Variants in ZEB2 observed in about 807,000 individuals in gnomAD.
ZEB2 encodes the protein zinc finger E-box binding homeobox 2.
A neutral mutation model predicts 99.9 loss-of-function variants in ZEB2; 6 were observed. The ratio of observed to expected loss-of-function variants is 0.06; its 90% CI spans 0.03 to 0.12. The LOEUF is 0.12. Ranked by LOEUF, ZEB2 falls within the 10% of genes least tolerant of loss-of-function variation. ZEB2 has a pLI of 1.00. For synonymous variants in ZEB2, 517 were observed against 542.5 expected (o/e 0.95, Z 0.65); for missense variants, 969 against 1,502.8 (o/e 0.64, Z 5.87).
At chr2:144,424,649 G>T (rs1573739410) in intron 4 of ZEB2, 147 bp downstream of exon 4, 3 of 929,276 alleles carry the variant, frequency 3.2e-6, no homozygotes, top group Non-Finnish European at 5.1e-6. Context: ...AGGAAATTTT[G>T]ATTTGAAACA....
chr2:144,452,372 G>A (rs1000943097), intron 2 of ZEB2, among the ~76,000 whole-genome samples: 7 of 151,252 alleles, frequency 4.6e-5, no homozygotes, highest in Admixed American at 2.0e-4. Flanking sequence ...GGTGAACCAA[G>A]GAAAAGGAAA....
chr2:144,510,466 A>G (rs1187810077), intron 2 of ZEB2, among the ~76,000 whole-genome samples: 3 of 152,282 alleles, frequency 2.0e-5, no homozygotes, highest in Non-Finnish European at 2.9e-5. Context: ...CCCCAAATCT[A>G]ACAGGCTTCT....
At position 144,403,875 on chromosome 2, in the gene ZEB2, G is replaced by C. The variant is rs1184602756; in HGVS notation, c.807+41C>G. On this transcript the variant is annotated intron_variant, in intron 6 of 9. Transcript: ENST00000627532. ...ATCAAAGCAATATCGTTTCTCTAAG[G>C]GGTTATTATAGAAAGAAATCACTTA... The C allele has an allele frequency of 2.5e-6, 4 of 1,607,192 alleles. No homozygotes were observed. The South Asian group carries it at 4.4e-5, about 18-fold the overall frequency.
chr2:144,423,052 A>T (rs1468919374), intron 4 of ZEB2, among the ~76,000 whole-genome samples: 1 of 152,206 alleles, frequency 6.6e-6, no homozygotes, highest in Non-Finnish European at 1.5e-5. Flanking sequence ...TATTGACTGA[A>T]TACATATGAA....
chr2:144,512,562 T>TA (rs1384682084), intron 2 of ZEB2: 1 of 1,287,148 alleles, frequency 7.8e-7, no homozygotes, highest in African/African-American at 1.5e-5. Flanking sequence ...GGTTTTACCC[T>TA]ATTTGAAAAC....
intron 2 of ZEB2, among the ~76,000 whole-genome samples, chr2:144,436,892 G>A (rs998505473): frequency 2.0e-5 from 3 of 152,062 alleles, no homozygotes; most frequent in Non-Finnish European, 4.4e-5. Flanking sequence ...AAGAAGACAC[G>A]GTATTTCTAG....
At chr2:144,500,714 T>C (rs1055959220) in intron 2 of ZEB2, among the ~76,000 whole-genome samples, 7 of 152,162 alleles carry the variant, frequency 4.6e-5, no homozygotes, top group Non-Finnish European at 8.8e-5. Flanking sequence ...GATAGTCTAA[T>C]ATGGTAAGTT....
chr2:144,429,599 C>T, intron 3 of ZEB2, 170 bp downstream of exon 3: 3 of 1,042,714 alleles, frequency 2.9e-6, no homozygotes, highest in South Asian at 2.9e-5. Flanking sequence ...AATGTGATAA[C>T]ATTACTATCA....
intron 5 of ZEB2, 62 bp from the exon 6 acceptor site, chr2:144,404,192 T>C: frequency 1.9e-6 from 3 of 1,576,232 alleles, no homozygotes; most frequent in Middle Eastern, 4.3e-4. Flanking sequence ...CAATGGCAGC[T>C]AATGGGCTGA....
intron 2 of ZEB2, among the ~76,000 whole-genome samples, chr2:144,433,748 T>C (rs1334200471): frequency 6.6e-6 from 1 of 152,226 alleles, no homozygotes; most frequent in African/African-American, 2.4e-5. Flanking sequence ...TATATCACTA[T>C]GCCAATTAAT....
rs1321599643 is a variant in ZEB2 at position 144,436,353 on chromosome 2, C to G, written c.74-6327G>C. On this transcript the variant is annotated intron_variant, in intron 2 of 9. Transcript: ENST00000627532. ...CCAGGAACATTCGAAGGCATTAAAC[C>G]TGCATTATAAATTAATGAGTTGTAA... Among the ~76,000 whole-genome samples, 3 of 152,156 alleles carry G rather than the reference C, an allele frequency of 2.0e-5. No individual in the cohort carries two copies. In the South Asian group the frequency reaches 6.2e-4, roughly 31 times the overall value.
intron 2 of ZEB2, among the ~76,000 whole-genome samples, chr2:144,487,151 CTTTT>C (rs200645325): frequency 6.8e-6 from 1 of 148,046 alleles, no homozygotes; most frequent in African/African-American, 2.5e-5. Context: ...TATCTCTCTG[CTTTT>C]TTTTTTAACT....
intron 2 of ZEB2, chr2:144,497,820 T>A (rs78783951): frequency 7.7e-6 from 1 of 130,160 alleles, no homozygotes; most frequent in Admixed American, 1.1e-4. Flanking sequence ...AAAGACACTG[T>A]CATTCTCAAC....
chr2:144,458,967 A>G (rs1704157341), intron 2 of ZEB2, among the ~76,000 whole-genome samples: 2 of 152,214 alleles, frequency 1.3e-5, no homozygotes, highest in Non-Finnish European at 2.9e-5. Flanking sequence ...TTTGAATGAT[A>G]GAGACCAGAG....
chr2:144,427,230 T>C (rs1703701861), intron 3 of ZEB2: 1 of 152,286 alleles, frequency 6.6e-6, no homozygotes, highest in Non-Finnish European at 1.5e-5. Context: ...TCAATGATAA[T>C]GATGTCATGG....
intron 2 of ZEB2, among the ~76,000 whole-genome samples, chr2:144,476,784 T>C (rs1704436122): frequency 6.6e-6 from 1 of 152,218 alleles, no homozygotes; most frequent in Admixed American, 6.5e-5. Context: ...TAAACATTCC[T>C]TACTATGTTA....
chr2:144,480,388 G>T lies in ZEB2; in HGVS notation c.73+36890C>A, dbSNP rs188492878. 1.2e-4 allele frequency among the ~76,000 whole-genome samples: 18 copies of T among 152,154 alleles called. No individual in the cohort carries two copies. The East Asian group carries it at 2.3e-3, about 20-fold the overall frequency. On this transcript the variant is annotated intron_variant, in intron 2 of 9. Transcript: ENST00000627532. ...GGTACATCAATATGCACATTAGCAG[G>T]GTTCCCAGTAGTCCCTACTAGACAG... is the stretch of plus-strand genomic sequence containing the variant.
chr2:144,389,836 T>C lies in ZEB2; in HGVS notation c.3260A>G (p.Glu1087Gly). 6.2e-7 allele frequency: 1 copy of C among 1,613,406 alleles called. No individual in the cohort carries two copies. The highest frequency in any genetic ancestry group is 8.5e-7 in the Non-Finnish European group (1 of 1,179,518). ...CGCCTCGCGCTCCGCCGCTTCCCGC[T>C]CCTCCGCCTCCCGCTTGCAGTAGGA... ...RYSYCKREAEEREAAEREARE... is the reference protein window; with the variant it reads ...RYSYCKREAEGREAAEREARE... The change falls in exon 10 of 10, where the codon GAG becomes GGG. Residue 1087 changes from glutamate to glycine, a missense_variant. By Grantham distance (98) the Glu-to-Gly change is moderately conservative. Transcript: ENST00000627532. The surrounding 1 kb of genome is among the most constrained non-coding windows in gnomAD (Gnocchi z 6.8).
At position 144,512,234 on chromosome 2, in the gene ZEB2, C is replaced by T. The variant is rs529271894; in HGVS notation, c.73+5044G>A. 17 of 1,287,170 alleles carry T rather than the reference C, an allele frequency of 1.3e-5. No individual in the cohort carries two copies. In the African/African-American group the frequency reaches 1.7e-4, roughly 13 times the overall value. 79.7% of individuals were successfully genotyped at this position (1,287,170 alleles called of 1,614,324 possible). A position where few individuals can be genotyped will look rare whatever the true frequency, so the allele number is the denominator to read the frequency against. On this transcript the variant is annotated intron_variant, in intron 2 of 9. Coordinates refer to ENST00000627532, the MANE Select transcript of ZEB2 (RefSeq NM_014795.4). ...AAATAGTGTCTACCTTGGGAAGCCA[C>T]GGTGCTGAGAGGAAAAGGACAAAGA...
Sources: allele counts gnomAD v4.1 joint callset (sites outside exome capture counted in the v4.1 genomes callset), GRCh38; gene constraint gnomAD v4.1.1; non-coding constraint Gnocchi (gnomAD v3.1); transcripts MANE v1.5; gene names NCBI Gene and HGNC (gene_info 2026-07-23, HGNC 2026-07-21).